Variants in TSC22D1 observed in about 807,000 individuals in gnomAD.
TSC22D1 encodes TSC22 domain family member 1.
TSC22D1 carries 9 observed loss-of-function variants against 74.2 expected under a neutral mutation model. That is an observed-to-expected ratio of 0.12 (90% CI 0.07 to 0.21). TSC22D1 has a LOEUF of 0.21. Among genes scored for constraint, TSC22D1 ranks in the 10% least tolerant of loss-of-function variants. The probability of loss-of-function intolerance (pLI) is 1.00; values close to 1 mark genes in which losing one functional copy is unlikely to be tolerated. For missense variants in TSC22D1, 1,427 were observed against 1,304.7 expected (o/e 1.09, Z -1.44); for synonymous variants, 586 against 492.5 (o/e 1.19, Z -2.51).
At chr13:44,496,231 CT>C (rs1878969236) in intron 1 of TSC22D1, among the ~76,000 whole-genome samples, 1 of 152,178 alleles carries the variant, frequency 6.6e-6, no homozygotes, top group African/African-American at 2.4e-5. Context: ...ATGCTCATCA[CT>C]AGCCATTAGG....
chr13:44,505,730 A>T (rs1433075524), intron 1 of TSC22D1, among the ~76,000 whole-genome samples: 1 of 152,202 alleles, frequency 6.6e-6, no homozygotes, highest in African/African-American at 2.4e-5. Flanking sequence ...CTTTTCAATA[A>T]ATTTCCATTT....
chr13:44,547,070 A>G (rs1228231128), intron 1 of TSC22D1, among the ~76,000 whole-genome samples: 2 of 152,088 alleles, frequency 1.3e-5, no homozygotes, highest in African/African-American at 4.8e-5. Context: ...CCTGTGTACT[A>G]AATTTTTGCA....
At chr13:44,437,179 T>A in intron 1 of TSC22D1, 2 of 985,544 alleles carry the variant, frequency 2.0e-6, no homozygotes. Flanking sequence ...TGCTTACGTT[T>A]AAGGGAGTCA....
At position 44,574,744 on chromosome 13, in the gene TSC22D1, A is replaced by G. The variant is rs374758194; in HGVS notation, c.1331T>C (p.Ile444Thr). Residue 444 changes from isoleucine to threonine, a missense_variant, in exon 1 of 3, where the codon ATA becomes ACA. Physicochemically the swap from Ile to Thr is moderately conservative, Grantham distance 89. Around this residue, in one of 3 missense-constraint regions of TSC22D1, gnomAD observed 1,343 missense variants for 1,191.5 expected, o/e 1.13. Transcript: ENST00000458659. ...CTTTACAGTCTCCACCACTTTATTT[A>G]TCAGCACACCTTCTGTAGCAGGTAC... ...NAVPATEGVL[I>T]NKVVETVKQN... The G allele has an allele frequency of 3.1e-6, 5 of 1,614,120 alleles. No homozygotes were observed. The highest frequency in any genetic ancestry group is 2.7e-5 in the African/African-American group (2 of 75,046).
chr13:44,454,264 T>G (rs1876382071), intron 1 of TSC22D1, among the ~76,000 whole-genome samples: 1 of 152,230 alleles, frequency 6.6e-6, no homozygotes, highest in Non-Finnish European at 1.5e-5. Context: ...AAAACCAAGT[T>G]TCTTACCTAA....
intron 1 of TSC22D1, among the ~76,000 whole-genome samples, chr13:44,443,395 C>T (rs934338268): frequency 4.0e-5 from 6 of 151,772 alleles, no homozygotes; most frequent in African/African-American, 1.5e-4. Context: ...CTTTTTCAGA[C>T]ATACAAAAGC....
intron 1 of TSC22D1, among the ~76,000 whole-genome samples, chr13:44,527,134 T>C (rs1880584940): frequency 6.6e-6 from 1 of 152,030 alleles, no homozygotes; most frequent in South Asian, 2.1e-4. Flanking sequence ...CTTTCTCAGA[T>C]AAAAATAGAG....
At chr13:44,547,026 T>C (rs1881872931) in intron 1 of TSC22D1, among the ~76,000 whole-genome samples, 1 of 152,018 alleles carries the variant, frequency 6.6e-6, no homozygotes, top group South Asian at 2.1e-4. Flanking sequence ...TCTCCCAAAA[T>C]GGTGAGATTA....
intron 1 of TSC22D1, among the ~76,000 whole-genome samples, chr13:44,446,238 G>T (rs1331193482): frequency 6.6e-6 from 1 of 152,106 alleles, no homozygotes; most frequent in Non-Finnish European, 1.5e-5. Flanking sequence ...ATATATTATG[G>T]TAAGAGAAAC....
At chr13:44,437,446 TGA>T (rs1033345773) in intron 1 of TSC22D1, 2 of 171,378 alleles carry the variant, frequency 1.2e-5, no homozygotes, top group African/African-American at 4.8e-5. Flanking sequence ...ATTTGCTCTT[TGA>T]GAGATACTAC....
At chr13:44,456,047 C>T (rs1368174089) in intron 1 of TSC22D1, among the ~76,000 whole-genome samples, 2 of 152,184 alleles carry the variant, frequency 1.3e-5, no homozygotes, top group African/African-American at 2.4e-5. Flanking sequence ...TCTTACTCAA[C>T]TGAATAACTG....
rs1052357630 is a variant in TSC22D1 at position 44,519,509 on chromosome 13, C to T, written c.2912+53654G>A. On this transcript the variant is annotated intron_variant, in intron 1 of 2. Transcript: ENST00000458659. ...TGATCTCACCTATTCAAGAACATCA[C>T]AAGAGACGTCCCTGAAGTAAGTAAA... Among the ~76,000 whole-genome samples the T allele has an allele frequency of 2.6e-5, 4 of 152,050 alleles. No individual in the cohort carries two copies. The East Asian group carries it at 7.7e-4, about 29-fold the overall frequency.
At chr13:44,568,300 T>C (rs1883513438) in intron 1 of TSC22D1, among the ~76,000 whole-genome samples, 2 of 152,148 alleles carry the variant, frequency 1.3e-5, no homozygotes, top group Non-Finnish European at 2.9e-5. Flanking sequence ...GTCAGTGGGA[T>C]ATAACACTTC....
intron 1 of TSC22D1, among the ~76,000 whole-genome samples, chr13:44,442,609 G>C (rs1230236400): frequency 6.6e-6 from 1 of 152,076 alleles, no homozygotes; most frequent in Non-Finnish European, 1.5e-5. Flanking sequence ...AAACACAGAA[G>C]AAACGTTGAA....
At position 44,485,289 on chromosome 13, in the gene TSC22D1, C is replaced by G. The variant is rs575775182; in HGVS notation, c.2913-49194G>C. 2.3e-4 allele frequency among the ~76,000 whole-genome samples: 35 copies of G among 152,044 alleles called. 1 individual carries two copies. Among genetic ancestry groups the G allele is most frequent in the Non-Finnish European group, 4.7e-4 (32 of 67,948 alleles). ...AGTAAATGAAACTCAAAGCCATAAGCAATAGGCCCTATAAATAGTGACTCC... is the reference window on the plus strand; with the variant it reads ...AGTAAATGAAACTCAAAGCCATAAGGAATAGGCCCTATAAATAGTGACTCC... On this transcript the variant is annotated intron_variant, in intron 1 of 2. Coordinates refer to ENST00000458659, the MANE Select transcript of TSC22D1 (RefSeq NM_183422.4).
rs201277071 is a variant in TSC22D1, at chr13:44,575,289, G to T, written c.786C>A (p.Leu262=). 7 of 1,614,162 alleles carry T rather than the reference G, an allele frequency of 4.3e-6. No homozygotes were observed. Among genetic ancestry groups the T allele is most frequent in the Non-Finnish European group, 5.9e-6 (7 of 1,180,040 alleles). The change falls in exon 1 of 3, where the codon CTC becomes CTA. Residue 262 remains leucine (L), a synonymous_variant. Coordinates refer to ENST00000458659, the MANE Select transcript of TSC22D1 (RefSeq NM_183422.4). ...TACTGTCAGAGCTTCCAGTTGTAGA[G>T]AGTTTTCTAGATACTGGGCTTGAGG... ...GPPSSPVSRK[L]STTGSSDSIT...
intron 1 of TSC22D1, among the ~76,000 whole-genome samples, chr13:44,480,771 C>A (rs75192536): frequency 1.3e-5 from 2 of 152,084 alleles, no homozygotes; most frequent in Non-Finnish European, 2.9e-5. Context: ...CTTCTTGAGG[C>A]CAAGTTTCCA....
chr13:44,559,934 C>T (rs1172910077), intron 1 of TSC22D1, among the ~76,000 whole-genome samples: 1 of 151,856 alleles, frequency 6.6e-6, no homozygotes, highest in African/African-American at 2.4e-5. Context: ...TCAAGTGATC[C>T]GCCCGCCTTG....
At chr13:44,517,330 CA>C (rs1419791160) in intron 1 of TSC22D1, among the ~76,000 whole-genome samples, 1 of 117,258 alleles carries the variant, frequency 8.5e-6, no homozygotes, top group Non-Finnish European at 1.9e-5. Flanking sequence ...AAAACAAAAA[CA>C]AAACACACAC....
Sources: gnomAD v4.1 joint callset for allele counts (sites outside exome capture counted in the v4.1 genomes callset) on GRCh38, gnomAD v4.1.1 for gene constraint, gnomAD v4.1.1 regional missense constraint, MANE v1.5 for transcripts, NCBI Gene and HGNC (gene_info 2026-07-23, HGNC 2026-07-21) for gene names.